The following SLC8A1 variants were observed in gnomAD, a reference collection of about 807,000 sequenced individuals.
SLC8A1 encodes the protein solute carrier family 8 member A1.
SLC8A1 carries 18 observed loss-of-function variants against 68.3 expected under a neutral mutation model. The ratio of observed to expected loss-of-function variants is 0.26; its 90% CI spans 0.18 to 0.39. The LOEUF (loss-of-function observed/expected upper bound fraction) is 0.39. Among genes scored for constraint, SLC8A1 ranks in the 10% least tolerant of loss-of-function variants. The probability of loss-of-function intolerance (pLI) is 1.00; values close to 1 mark genes in which losing one functional copy is unlikely to be tolerated. For missense variants in SLC8A1, 985 were observed against 1,156.7 expected (o/e 0.85, Z 2.15); for synonymous variants, 475 against 415.5 (o/e 1.14, Z -1.74).
chr2:40,169,121 A>T (rs1159768566), intron 4 of SLC8A1, among the ~76,000 whole-genome samples: 1 of 152,230 alleles, frequency 6.6e-6, no homozygotes, highest in African/African-American at 2.4e-5. Flanking sequence ...TTCAAGCTGT[A>T]TTTTGAAGCA....
intron 2 of SLC8A1, among the ~76,000 whole-genome samples, chr2:40,193,379 C>T (rs892965031): frequency 5.3e-5 from 8 of 151,992 alleles, no homozygotes; most frequent in Non-Finnish European, 1.0e-4. Context: ...AAGAGGAGTA[C>T]GAATTCACAG....
intron 2 of SLC8A1, among the ~76,000 whole-genome samples, chr2:40,238,421 C>A (rs1162736275): frequency 8.6e-6 from 1 of 116,244 alleles, no homozygotes; most frequent in Non-Finnish European, 1.8e-5. Flanking sequence ...CTCCCTGACC[C>A]CTTGCACTTC....
chr2:40,341,741 G>GT (rs1241220281), intron 2 of SLC8A1, among the ~76,000 whole-genome samples: 10 of 152,088 alleles, frequency 6.6e-5, no homozygotes, highest in African/African-American at 2.2e-4. Flanking sequence ...AAACTCTGGG[G>GT]TTCTACAAAA....
chr2:40,125,307 G>C (rs1572847510), intron 7 of SLC8A1, among the ~76,000 whole-genome samples: 1 of 152,184 alleles, frequency 6.6e-6, no homozygotes, highest in African/African-American at 2.4e-5. Flanking sequence ...GAGTGGAATA[G>C]AAGAAGAGGA....
At chr2:40,138,506 A>G (rs1359952214) in intron 7 of SLC8A1, among the ~76,000 whole-genome samples, 2 of 152,216 alleles carry the variant, frequency 1.3e-5, no homozygotes, top group African/African-American at 2.4e-5. Flanking sequence ...TAAAGGCTAT[A>G]TATCTGTCAA....
intron 2 of SLC8A1, among the ~76,000 whole-genome samples, chr2:40,322,648 C>G (rs561161615): frequency 6.6e-6 from 1 of 151,734 alleles, no homozygotes; most frequent in Non-Finnish European, 1.5e-5. Flanking sequence ...TGCATTTCAG[C>G]CTGGGTGACA....
rs965367517 is a variant in SLC8A1, at chr2:40,283,792, G to A, written c.1809-105937C>T. Among the ~76,000 whole-genome samples the A allele has an allele frequency of 3.3e-5, 5 of 152,096 alleles. No individual in the cohort carries two copies. The East Asian group carries it at 5.8e-4, about 18-fold the overall frequency. On this transcript the variant is annotated intron_variant, in intron 2 of 7. Coordinates refer to ENST00000406785, the Ensembl canonical transcript of SLC8A1. Reference sequence around the variant, plus strand: ...CTTGACAGCGTTCCTAACAATAGACGCCGAAGATAGAACACGGTTAGACTT... The same window carrying A: ...CTTGACAGCGTTCCTAACAATAGACACCGAAGATAGAACACGGTTAGACTT...
chr2:40,374,331 G>A (rs1393897601), intron 2 of SLC8A1, among the ~76,000 whole-genome samples: 1 of 151,568 alleles, frequency 6.6e-6, no homozygotes, highest in East Asian at 1.9e-4. Context: ...GGGAAATATG[G>A]GGAGACCCTG....
chr2:40,453,824 G>A (rs1436894256), upstream of SLC8A1, among the ~76,000 whole-genome samples: 4 of 152,188 alleles, frequency 2.6e-5, no homozygotes, highest in African/African-American at 4.8e-5. Flanking sequence ...TGCTGAGGCC[G>A]TCTGAATGAG....
intron 2 of SLC8A1, among the ~76,000 whole-genome samples, chr2:40,274,533 T>C (rs1287730107): frequency 1.3e-5 from 2 of 152,128 alleles, no homozygotes; most frequent in African/African-American, 4.8e-5. Context: ...TATGCAACTC[T>C]TTTGATCATT....
intron 2 of SLC8A1, among the ~76,000 whole-genome samples, chr2:40,291,903 CT>C (rs75778511): frequency 0.025 from 3,455 of 138,080 alleles, 81 homozygotes; most frequent in African/African-American, 0.067. Context: ...GACATCTTTA[CT>C]TTTTTTTTTT....
intron 4 of SLC8A1, among the ~76,000 whole-genome samples, chr2:40,169,941 T>C (rs1310163990): frequency 6.6e-6 from 1 of 152,076 alleles, no homozygotes; most frequent in African/African-American, 2.4e-5. Context: ...AGAATCCCCA[T>C]CTCAAATAAA....
intron 2 of SLC8A1, among the ~76,000 whole-genome samples, chr2:40,417,329 A>G (rs1391837443): frequency 1.3e-5 from 2 of 152,152 alleles, no homozygotes; most frequent in Non-Finnish European, 2.9e-5. Flanking sequence ...ATCAAAGAAG[A>G]GCAACAACTT....
intron 1 of SLC8A1, among the ~76,000 whole-genome samples, chr2:40,463,821 TACATACACACACAC>T (rs1290895829): frequency 6.5e-5 from 9 of 139,264 alleles, no homozygotes; most frequent in South Asian, 2.4e-4. Context: ...AGAGGATATA[TACATACACACACAC>T]ACATACACAC....
chr2:40,410,458 A>G (rs921696451), intron 2 of SLC8A1, among the ~76,000 whole-genome samples: 3 of 152,156 alleles, frequency 2.0e-5, no homozygotes, highest in Non-Finnish European at 2.9e-5. Context: ...GTACTACAGG[A>G]AAGAAGAAAA....
At chr2:40,238,086 G>A (rs1574509090) in intron 2 of SLC8A1, among the ~76,000 whole-genome samples, 2 of 152,334 alleles carry the variant, frequency 1.3e-5, no homozygotes, top group Admixed American at 1.3e-4. Context: ...CCCAGAGGTG[G>A]AGCCTACAGA....
chr2:40,284,123 T>C (rs185372428), intron 2 of SLC8A1, among the ~76,000 whole-genome samples: 1 of 152,142 alleles, frequency 6.6e-6, no homozygotes, highest in African/African-American at 2.4e-5. Context: ...ACGAATTACA[T>C]TGTTTCCATT....
intron 1 of SLC8A1, among the ~76,000 whole-genome samples, chr2:40,444,868 TACTG>T (rs777352495): frequency 1.2e-4 from 18 of 152,244 alleles, no homozygotes; most frequent in East Asian, 1.9e-4. Flanking sequence ...AAGCCAGAAA[TACTG>T]ACTATCTGGG....
intron 2 of SLC8A1, among the ~76,000 whole-genome samples, chr2:40,281,062 G>T (rs893739193): frequency 3.9e-5 from 6 of 152,132 alleles, no homozygotes; most frequent in African/African-American, 1.4e-4. Flanking sequence ...TAACTTGCCT[G>T]CTTAGTTTTG....
Sources: gnomAD v4.1 joint callset for allele counts (sites outside exome capture counted in the v4.1 genomes callset) on GRCh38, gnomAD v4.1.1 for gene constraint, MANE v1.5 for transcripts, NCBI Gene and HGNC (gene_info 2026-07-23, HGNC 2026-07-21) for gene names.